Variants in NRP2 observed in about 807,000 individuals in gnomAD.
NRP2 encodes neuropilin-2.
NRP2 carries 52 observed loss-of-function variants against 110.4 expected under a neutral mutation model. The observed-to-expected ratio is 0.47, with a 90% CI of 0.38 to 0.59. The LOEUF (loss-of-function observed/expected upper bound fraction) is 0.59, where lower values mean the gene tolerates loss of function less well. Among genes scored for constraint, NRP2 ranks in the 20% least tolerant of loss-of-function variants. The pLI is 0.00. For missense variants in NRP2, 1,049 were observed against 1,203.0 expected, an observed-to-expected ratio of 0.87 and a Z score of 1.89; for synonymous variants, 508 against 468.9, an observed-to-expected ratio of 1.08 and a Z score of -1.08.
At chr2:205,768,709 A>G (rs1553597702) in intron 15 of NRP2, among the ~76,000 whole-genome samples, 1 of 152,212 alleles carries the variant, frequency 6.6e-6, no homozygotes, top group Non-Finnish European at 1.5e-5. Context: ...AAGAATTTCC[A>G]GGGTGCTCCT....
intron 7 of NRP2, among the ~76,000 whole-genome samples, chr2:205,739,572 G>T (rs1306199556): frequency 6.6e-6 from 1 of 151,754 alleles, no homozygotes; most frequent in Non-Finnish European, 1.5e-5. Context: ...TCCCTTGGTT[G>T]TTACAGCTAT....
At chr2:205,711,868 G>T (rs913035640) in intron 2 of NRP2, among the ~76,000 whole-genome samples, 2 of 152,176 alleles carry the variant, frequency 1.3e-5, no homozygotes, top group Non-Finnish European at 2.9e-5. Flanking sequence ...TCCAGCACAG[G>T]CTCCGTTGAC....
chr2:205,745,721 G>A, intron 9 of NRP2, 25 bp from the exon 10 acceptor site: 2 of 1,613,858 alleles, frequency 1.2e-6, no homozygotes, highest in Admixed American at 1.7e-5. Flanking sequence ...ACACCAGAAG[G>A]GCTGAGTGGC....
At chr2:205,776,840 T>C in intron 15 of NRP2, 1 of 1,281,122 alleles carries the variant, frequency 7.8e-7, no homozygotes, top group Non-Finnish European at 1.0e-6. Flanking sequence ...TTCCAGAGAC[T>C]GGTTCGCTTG....
At chr2:205,776,403 T>A (rs200392784) in intron 15 of NRP2, 1 of 1,613,640 alleles carries the variant, frequency 6.2e-7, no homozygotes, top group East Asian at 2.2e-5. Flanking sequence ...GGTTCCGCTA[T>A]GCGGCCAAGA....
intron 10 of NRP2, among the ~76,000 whole-genome samples, chr2:205,749,473 C>A (rs996914950): frequency 6.6e-6 from 1 of 152,158 alleles, no homozygotes; most frequent in Admixed American, 6.5e-5. Context: ...AACTCGGGGC[C>A]TCTGCTGTGG....
At chr2:205,761,353 T>C (rs1470582923) in intron 12 of NRP2, 1 of 152,156 alleles carries the variant, frequency 6.6e-6, no homozygotes, top group African/African-American at 2.4e-5. Context: ...AGACCAGCAT[T>C]TACAATATAA....
rs1559309309 is a variant in NRP2, at chr2:205,697,642, A to G, written c.172A>G (p.Ile58Val). The change falls in exon 2 of 17, where the codon ATT (isoleucine) becomes GTT (valine). Residue 58 changes from isoleucine to valine, a missense_variant. By Grantham distance (29) the Ile-to-Val change is conservative. Transcript: ENST00000357785. ...DYPSHQNCEWIVYAPEPNQKI... is the reference protein window; with the variant it reads ...DYPSHQNCEWVVYAPEPNQKI... ...CCCCTCCCACCAGAACTGCGAGTGG[A>G]TTGTTTACGCCCCCGAACCCAACCA... 6.2e-7 allele frequency: 1 copy of G among 1,613,822 alleles called. No homozygotes were observed. Among genetic ancestry groups the G allele is most frequent in the Non-Finnish European group, 8.5e-7 (1 of 1,179,978 alleles).
chr2:205,767,338 A>G, intron 15 of NRP2: 2 of 486,056 alleles, frequency 4.1e-6, no homozygotes, highest in South Asian at 3.0e-5. Context: ...GTACGGTGGC[A>G]GGCTGCTTGT....
intron 16 of NRP2, among the ~76,000 whole-genome samples, chr2:205,794,356 C>T (rs1206626548): frequency 2.6e-5 from 4 of 152,060 alleles, no homozygotes; most frequent in South Asian, 2.1e-4. Flanking sequence ...GTGATCTGCC[C>T]GCCTCGGCCT....
Position 205,763,924 on chromosome 2 carries a change from C to T in NRP2, c.2295C>T (p.Asp765=), listed in dbSNP as rs2057867415. 1 of 1,614,064 alleles carries T rather than the reference C, an allele frequency of 6.2e-7. No individual in the cohort carries two copies. The highest frequency in any genetic ancestry group is 8.5e-7 in the Non-Finnish European group (1 of 1,179,982). The change falls in exon 13 of 17, where the codon GAC becomes GAT. Residue 765 remains aspartate (D), a synonymous_variant. Coordinates refer to ENST00000357785, the MANE Select transcript of NRP2 (RefSeq NM_003872.3). The surrounding 1 kb of genome is among the most constrained non-coding windows in gnomAD (Gnocchi z 4.0). ...KHGRIILPSY[D]MEYQIVFEGV... ...GGCGGATCATCCTGCCCAGCTACGA[C>T]ATGGAGTACCAGGTGGGGTGAGCAA...
At chr2:205,743,693 A>C in intron 9 of NRP2, 141 bp downstream of exon 9, 1 of 1,452,096 alleles carries the variant, frequency 6.9e-7, no homozygotes, top group Admixed American at 2.5e-5. Context: ...ATCGTTTGAG[A>C]GATTACTTTG....
chr2:205,751,117 G>A (rs1177105595), intron 11 of NRP2, among the ~76,000 whole-genome samples: 1 of 152,136 alleles, frequency 6.6e-6, no homozygotes, highest in East Asian at 1.9e-4. Flanking sequence ...CAGATAGTTT[G>A]AGAGCCAAAA....
At chr2:205,741,382 G>A (rs1168913627) in intron 8 of NRP2, among the ~76,000 whole-genome samples, 1 of 152,150 alleles carries the variant, frequency 6.6e-6, no homozygotes, top group African/African-American at 2.4e-5. Context: ...AAGAAGGGAG[G>A]GAAGGTGCAC....
rs528004763 is a variant in NRP2 at position 205,763,719 on chromosome 2, G to A, written c.2090G>A (p.Gly697Asp). The A allele has an allele frequency of 1.6e-5, 26 of 1,614,246 alleles. No homozygotes were observed. The Admixed American group carries it at 4.2e-4, about 26-fold the overall frequency. ...LRLQSDSQRE[G>D]QYARLISPPV... ...CTGCAGAGTGACAGCCAGAGAGAGG[G>A]CCAGTATGCCCGGCTCATCAGCCCC... is the stretch of plus-strand genomic sequence containing the variant. The change falls in exon 13 of 17, where the codon GGC becomes GAC. Residue 697 changes from glycine (G) to aspartate (D), a missense_variant. Transcript: ENST00000357785. The surrounding 1 kb of genome is among the most constrained non-coding windows in gnomAD (Gnocchi z 4.0).
intron 12 of NRP2, 67 bp downstream of exon 12, chr2:205,753,042 G>A (rs1405494463): frequency 1.3e-6 from 2 of 1,596,532 alleles, no homozygotes; most frequent in African/African-American, 2.7e-5. Flanking sequence ...TTCAACCCCA[G>A]ATTCCCTTAC....
chr2:205,753,028 A>G (rs1024352519), intron 12 of NRP2, 53 bp downstream of exon 12: 100 of 1,607,914 alleles, frequency 6.2e-5, no homozygotes, highest in Admixed American at 4.8e-4. Context: ...CTTGTTCCAC[A>G]TACTTCAACC....
chr2:205,722,835 T>C (rs1201993244), intron 4 of NRP2, 127 bp downstream of exon 4: 2 of 743,010 alleles, frequency 2.7e-6, no homozygotes, highest in African/African-American at 3.5e-5. Context: ...ATGGTGACTT[T>C]CTCTTCTTCC....
At chr2:205,722,149 T>C in intron 3 of NRP2, 1 of 284,716 alleles carries the variant, frequency 3.5e-6, no homozygotes, top group Non-Finnish European at 6.6e-6. Flanking sequence ...AGAATCCCTC[T>C]CTCTCTCTCT....
Sources: allele counts gnomAD v4.1 joint callset (sites outside exome capture counted in the v4.1 genomes callset), GRCh38; gene constraint gnomAD v4.1.1; non-coding constraint Gnocchi (gnomAD v3.1); transcripts MANE v1.5; gene names NCBI Gene and HGNC (gene_info 2026-07-23, HGNC 2026-07-21).